The following DPYD variants were observed in gnomAD, a reference collection of about 807,000 sequenced individuals.
DPYD encodes the protein dihydropyrimidine dehydrogenase [NADP(+)].
DPYD carries 109 observed loss-of-function variants against 116.2 expected under a neutral mutation model. That is an observed-to-expected ratio of 0.94 (90% confidence interval 0.80 to 1.10). The LOEUF (loss-of-function observed/expected upper bound fraction) is 1.10, where lower values mean the gene tolerates loss of function less well. Among genes scored for constraint, DPYD ranks in the 50% least tolerant of loss-of-function variants. The pLI, the probability that DPYD is intolerant of heterozygous loss-of-function variation, is 0.00. For synonymous variants in DPYD, 440 were observed against 432.0 expected, an observed-to-expected ratio of 1.02 and a Z score of -0.23; for missense variants, 1,302 against 1,254.5, an observed-to-expected ratio of 1.04 and a Z score of -0.57.
intron 1 of DPYD, among the ~76,000 whole-genome samples, chr1:97,894,248 A>G (rs922049987): frequency 6.6e-6 from 1 of 151,812 alleles, no homozygotes; most frequent in African/African-American, 2.4e-5. Context: ...GTCTTTTCTT[A>G]TAAGAAGCAC....
rs371993894 is a variant in DPYD at position 97,308,703 on chromosome 1, A to G, written c.2059-2406T>C. On this transcript the variant is annotated intron_variant, in intron 16 of 22. Coordinates refer to ENST00000370192, the MANE Select transcript of DPYD (RefSeq NM_000110.4). ...TCTAAAAGCAATTAGTAGTGTTTCT[A>G]CATCTTGACCTTCTCATTTTCTAGT... 2.7e-3 allele frequency among the ~76,000 whole-genome samples: 413 copies of G among 151,978 alleles called. 6 individuals carry two copies. In the South Asian group the frequency reaches 0.043, roughly 16 times the overall value.
intron 8 of DPYD, among the ~76,000 whole-genome samples, chr1:97,646,319 A>ATT (rs147049417): frequency 3.5e-5 from 5 of 142,248 alleles, no homozygotes; most frequent in African/African-American, 1.0e-4. Context: ...TCTTCTTTTT[A>ATT]TTTTTTTTTT....
chr1:97,226,089 T>G (rs1661135262), intron 19 of DPYD, among the ~76,000 whole-genome samples: 1 of 152,050 alleles, frequency 6.6e-6, no homozygotes, highest in Admixed American at 6.6e-5. Flanking sequence ...ATTAAACCTA[T>G]GCAAACCAAT....
chr1:97,835,535 A>G (rs920450328), intron 2 of DPYD, among the ~76,000 whole-genome samples: 1 of 152,126 alleles, frequency 6.6e-6, no homozygotes, highest in African/African-American at 2.4e-5. Context: ...ATAAATTAAA[A>G]GTTTAGCTAC....
intron 13 of DPYD, among the ~76,000 whole-genome samples, chr1:97,494,782 G>GCACA (rs369872624): frequency 1.4e-5 from 2 of 141,208 alleles, no homozygotes; most frequent in Non-Finnish European, 1.6e-5. Context: ...ACACACATAC[G>GCACA]CACACACACA....
At chr1:97,369,607 G>C (rs7515904) in intron 16 of DPYD, among the ~76,000 whole-genome samples, 12 of 151,840 alleles carry the variant, frequency 7.9e-5, no homozygotes, top group African/African-American at 2.9e-4. Context: ...GGCTTCAGAG[G>C]GTTGTTGGGA....
chr1:97,842,832 A>G (rs796498430), intron 2 of DPYD, among the ~76,000 whole-genome samples: 1 of 152,072 alleles, frequency 6.6e-6, no homozygotes, highest in South Asian at 2.1e-4. Flanking sequence ...TAAAAAACAA[A>G]ATTCATAACC....
intron 3 of DPYD, among the ~76,000 whole-genome samples, chr1:97,752,075 TG>T (rs1337816170): frequency 6.6e-6 from 1 of 152,104 alleles, no homozygotes; most frequent in Non-Finnish European, 1.5e-5. Context: ...AAGATTTTTT[TG>T]TGTGTGTAGT....
intron 3 of DPYD, among the ~76,000 whole-genome samples, chr1:97,765,355 A>C (rs1665790513): frequency 6.6e-6 from 1 of 152,194 alleles, no homozygotes; most frequent in East Asian, 1.9e-4. Context: ...AAGGCTATAT[A>C]GAGAGGCTAC....
intron 19 of DPYD, among the ~76,000 whole-genome samples, chr1:97,226,461 T>C (rs1194387225): frequency 6.6e-6 from 1 of 152,136 alleles, no homozygotes; most frequent in African/African-American, 2.4e-5. Context: ...GTAGATACCA[T>C]ATTATATGTA....
At chr1:97,354,809 G>T (rs186215814) in intron 16 of DPYD, among the ~76,000 whole-genome samples, 2 of 152,088 alleles carry the variant, frequency 1.3e-5, no homozygotes, top group African/African-American at 4.8e-5. Flanking sequence ...TCATTCATTC[G>T]TTCATTCATT....
intron 20 of DPYD, among the ~76,000 whole-genome samples, chr1:97,105,138 G>T (rs1651042514): frequency 6.6e-6 from 1 of 152,086 alleles, no homozygotes; most frequent in African/African-American, 2.4e-5. Context: ...TTTAAAGTAA[G>T]TATTTTTGAA....
chr1:97,382,823 T>C (rs1024033110), intron 14 of DPYD, among the ~76,000 whole-genome samples: 7 of 152,138 alleles, frequency 4.6e-5, no homozygotes, highest in African/African-American at 1.7e-4. Flanking sequence ...ATTGTCTAAT[T>C]ATACAATGCC....
At chr1:97,195,626 ATG>A (rs1658726132) in intron 19 of DPYD, among the ~76,000 whole-genome samples, 1 of 84,946 alleles carries the variant, frequency 1.2e-5, no homozygotes, top group Non-Finnish European at 2.3e-5. Flanking sequence ...GTATGTGTAT[ATG>A]TATGTGTATA....
chr1:97,184,534 T>TC (rs762419338), intron 20 of DPYD, among the ~76,000 whole-genome samples: 140 of 152,298 alleles, frequency 9.2e-4, no homozygotes, highest in Non-Finnish European at 1.6e-3. Flanking sequence ...GAGCTTTTTT[T>TC]CATACGCTTG....
chr1:97,722,011 T>G (rs944311108), intron 4 of DPYD, among the ~76,000 whole-genome samples: 3 of 151,688 alleles, frequency 2.0e-5, no homozygotes, highest in African/African-American at 7.2e-5. Context: ...TTTTAACAAA[T>G]GAAAATTAGA....
intron 12 of DPYD, chr1:97,545,850 T>G: frequency 9.0e-7 from 1 of 1,107,670 alleles, no homozygotes; most frequent in Admixed American, 1.7e-5. Flanking sequence ...TCCCTTACAT[T>G]GAAGAGGACA....
At chr1:97,356,026 T>C (rs1277017287) in intron 16 of DPYD, among the ~76,000 whole-genome samples, 1 of 152,192 alleles carries the variant, frequency 6.6e-6, no homozygotes, top group Admixed American at 6.5e-5. Flanking sequence ...ATAAAAAGTA[T>C]ACTAATTTAC....
At chr1:97,858,226 A>G (rs941005611) in intron 2 of DPYD, among the ~76,000 whole-genome samples, 1 of 152,272 alleles carries the variant, frequency 6.6e-6, no homozygotes, top group Middle Eastern at 3.4e-3. Flanking sequence ...ATAATATTTT[A>G]TAACTTTAGA....
Sources: gnomAD v4.1 joint callset for allele counts (sites outside exome capture counted in the v4.1 genomes callset) on GRCh38, gnomAD v4.1.1 for gene constraint, MANE v1.5 for transcripts, NCBI Gene and HGNC (gene_info 2026-07-23, HGNC 2026-07-21) for gene names.